NAALADL2: variants seen among roughly 807,000 people sequenced by gnomAD.
NAALADL2 encodes inactive N-acetylated-alpha-linked acidic dipeptidase-like protein 2.
Under a neutral mutation model 87.2 loss-of-function variants are expected in NAALADL2, and 76 were observed. The ratio of observed to expected loss-of-function variants is 0.87; its 90% CI spans 0.72 to 1.05. NAALADL2 has a LOEUF of 1.05. Among genes scored for constraint, NAALADL2 ranks in the 50% least tolerant of loss-of-function variants. NAALADL2 has a pLI of 0.00. For synonymous variants in NAALADL2, 354 were observed against 331.0 expected (o/e 1.07, Z -0.75); for missense variants, 1,089 against 945.8 (o/e 1.15, Z -1.99).
intron 4 of NAALADL2, among the ~76,000 whole-genome samples, chr3:175,301,020 G>A (rs368893591): frequency 6.6e-6 from 1 of 152,212 alleles, no homozygotes; most frequent in Admixed American, 6.5e-5. Flanking sequence ...CTCCCAAAGT[G>A]CTGGGATTAC....
chr3:175,181,023 T>C (rs1736385679), intron 2 of NAALADL2, among the ~76,000 whole-genome samples: 1 of 152,024 alleles, frequency 6.6e-6, no homozygotes, highest in Non-Finnish European at 1.5e-5. Flanking sequence ...TCCATCTTGA[T>C]GTATGTCCAA....
At chr3:175,241,451 C>T (rs113492522) in intron 3 of NAALADL2, among the ~76,000 whole-genome samples, 6 of 152,098 alleles carry the variant, frequency 3.9e-5, no homozygotes, top group African/African-American at 1.4e-4. Context: ...GAACTCCTGA[C>T]CTCAGGGGAT....
intron 1 of NAALADL2, among the ~76,000 whole-genome samples, chr3:174,524,822 G>A (rs1720591162): frequency 6.6e-6 from 1 of 152,084 alleles, no homozygotes; most frequent in Non-Finnish European, 1.5e-5. Flanking sequence ...TTACAAGTGT[G>A]AGCCACCATG....
intron 6 of NAALADL2, among the ~76,000 whole-genome samples, chr3:175,459,753 G>T (rs1379057452): frequency 6.6e-6 from 1 of 152,084 alleles, no homozygotes; most frequent in Non-Finnish European, 1.5e-5. Context: ...GTGCAGGTTT[G>T]TTCAAGACTT....
intron 2 of NAALADL2, among the ~76,000 whole-genome samples, chr3:175,118,384 T>G (rs919633943): frequency 4.6e-5 from 7 of 151,642 alleles, no homozygotes; most frequent in South Asian, 2.1e-4. Flanking sequence ...AGTATGCTAG[T>G]GGGGCTTTGG....
intron 9 of NAALADL2, among the ~76,000 whole-genome samples, chr3:175,527,317 T>G (rs1733553266): frequency 6.6e-6 from 1 of 152,196 alleles, no homozygotes; most frequent in South Asian, 2.1e-4. Flanking sequence ...TATAGACGGA[T>G]AGTAAAGTTA....
intron 2 of NAALADL2, among the ~76,000 whole-genome samples, chr3:175,143,931 T>A (rs1454950998): frequency 1.3e-5 from 2 of 151,904 alleles, no homozygotes; most frequent in Non-Finnish European, 2.9e-5. Flanking sequence ...CAATACATTA[T>A]TGTAGAAACA....
chr3:175,123,753 G>C (rs1032283952), intron 2 of NAALADL2, among the ~76,000 whole-genome samples: 1 of 151,880 alleles, frequency 6.6e-6, no homozygotes, highest in Non-Finnish European at 1.5e-5. Flanking sequence ...CATTATCAAA[G>C]CCCTTACCAA....
At chr3:175,158,701 A>ATT (rs566286777) in intron 2 of NAALADL2, among the ~76,000 whole-genome samples, 65 of 152,040 alleles carry the variant, frequency 4.3e-4, no homozygotes, top group African/African-American at 1.5e-3. Flanking sequence ...GTAAATAGCA[A>ATT]TTTTTTTGCA....
chr3:174,942,320 G>A (rs970893121), intron 1 of NAALADL2, among the ~76,000 whole-genome samples: 4 of 152,036 alleles, frequency 2.6e-5, no homozygotes, highest in African/African-American at 9.7e-5. Context: ...TGAAATTGTT[G>A]GTTGCATATT....
At chr3:175,013,121 T>TGTA (rs59708204) in intron 1 of NAALADL2, among the ~76,000 whole-genome samples, 2 of 60,892 alleles carry the variant, frequency 3.3e-5, no homozygotes, top group African/African-American at 7.9e-5. Context: ...TATATAAATA[T>TGTA]ACATATTTAT....
At position 174,501,169 on chromosome 3, in the gene NAALADL2, C is replaced by T. The variant is rs1343736123; in HGVS notation, c.-183-49400C>T. On this transcript the variant is annotated intron_variant, in intron 1 of 3. Coordinates refer to the NAALADL2 transcript ENST00000434257. Reference sequence around the variant, plus strand: ...TCTCGGCTCACTGCAAGCTCCGCCTCCCGGGTTCACGCCATTCTCCTGCCT... The same window carrying T: ...TCTCGGCTCACTGCAAGCTCCGCCTTCCGGGTTCACGCCATTCTCCTGCCT... 2.5e-3 allele frequency among the ~76,000 whole-genome samples: 352 copies of T among 140,908 alleles called. 4 individuals are homozygous for T. Among genetic ancestry groups the T allele is most frequent in the Non-Finnish European group, 3.0e-3 (201 of 67,312 alleles). The allele number at this position is 140,908 out of a possible 152,430, so 92.4% of individuals were successfully genotyped here.
chr3:174,989,465 G>T (rs1002082001), intron 1 of NAALADL2, among the ~76,000 whole-genome samples: 2 of 152,146 alleles, frequency 1.3e-5, no homozygotes, highest in African/African-American at 4.8e-5. Flanking sequence ...AGAGAAGGAA[G>T]AAAATATTGT....
intron 2 of NAALADL2, among the ~76,000 whole-genome samples, chr3:175,148,513 C>T (rs560433080): frequency 2.0e-5 from 3 of 152,066 alleles, no homozygotes; most frequent in Admixed American, 6.6e-5. Flanking sequence ...AAATTTTTTC[C>T]CAACGCCCAA....
intron 1 of NAALADL2, among the ~76,000 whole-genome samples, chr3:174,486,580 G>T (rs1258244761): frequency 1.3e-5 from 2 of 151,934 alleles, no homozygotes; most frequent in Non-Finnish European, 2.9e-5. Context: ...CTCCGCTTTT[G>T]GGGGCAGAAT....
rs554896630 is a variant in NAALADL2 at position 175,256,363 on chromosome 3, C to T, written c.820-48C>T. 7 of 1,548,632 alleles carry T rather than the reference C, an allele frequency of 4.5e-6. No individual in the cohort carries two copies. In the African/African-American group the frequency reaches 9.7e-5, roughly 21 times the overall value. ...TATACTAAATGGACAATTGGCTATA[C>T]TTCTTCCTCTGAGGCTTTATTTTTC... On this transcript the variant is annotated intron_variant, in intron 3 of 13. Transcript: ENST00000454872.
chr3:174,601,571 A>G (rs890291048), intron 2 of NAALADL2, among the ~76,000 whole-genome samples: 1 of 152,092 alleles, frequency 6.6e-6, no homozygotes, highest in Non-Finnish European at 1.5e-5. Context: ...GTAGTTTGCA[A>G]ATATTTTCTC....
At chr3:174,665,851 CCA>C (rs1205222138) in intron 2 of NAALADL2, among the ~76,000 whole-genome samples, 7 of 152,168 alleles carry the variant, frequency 4.6e-5, no homozygotes, top group African/African-American at 1.4e-4. Context: ...CTTGTACTTA[CCA>C]GCAATCCTTG....
rs181821743 is a variant in NAALADL2, at chr3:175,603,802, G to A, written c.1801-23489G>A. ...ATATAAAAATACCTCTTAAAGCCTG[G>A]GTAACATGGCAAGACCCCATCTATA... On this transcript the variant is annotated intron_variant, in intron 10 of 13. Coordinates refer to ENST00000454872, the MANE Select transcript of NAALADL2 (RefSeq NM_207015.3). Among the ~76,000 whole-genome samples the A allele has an allele frequency of 2.5e-3, 377 of 151,894 alleles. 1 individual carries two copies. The highest frequency in any genetic ancestry group is 1.6e-3 in the Non-Finnish European group (108 of 67,960).
Sources: allele counts gnomAD v4.1 joint callset (sites outside exome capture counted in the v4.1 genomes callset), GRCh38; gene constraint gnomAD v4.1.1; transcripts MANE v1.5; gene names NCBI Gene and HGNC (gene_info 2026-07-23, HGNC 2026-07-21).